Variants in NDST3 observed in about 807,000 individuals in gnomAD.
The protein encoded by NDST3 is bifunctional heparan sulfate N-deacetylase/N-sulfotransferase 3.
In NDST3, 58 loss-of-function variants were observed where a neutral mutation model predicts 96.1. That is an observed-to-expected ratio of 0.60 (90% confidence interval 0.49 to 0.75). NDST3 has a LOEUF of 0.75. NDST3 is among the 30% of genes least tolerant of loss of function. The probability of loss-of-function intolerance (pLI) is 0.00; values close to 1 mark genes in which losing one functional copy is unlikely to be tolerated. For synonymous variants in NDST3, 333 were observed against 359.7 expected, an observed-to-expected ratio of 0.93 and a Z score of 0.84; for missense variants, 788 against 1,034.2, an observed-to-expected ratio of 0.76 and a Z score of 3.27.
chr4:118,125,228 C>T (rs1294642189), intron 4 of NDST3, among the ~76,000 whole-genome samples: 1 of 152,006 alleles, frequency 6.6e-6, no homozygotes, highest in Non-Finnish European at 1.5e-5. Context: ...ATAACAAAGA[C>T]ATTTCTATCA....
intron 3 of NDST3, among the ~76,000 whole-genome samples, chr4:118,106,822 G>A (rs1357775809): frequency 6.6e-6 from 1 of 152,064 alleles, no homozygotes; most frequent in Non-Finnish European, 1.5e-5. Flanking sequence ...TGGGTGTGGT[G>A]GCTCATGCCT....
chr4:118,193,656 A>G, intron 6 of NDST3: 1 of 1,297,590 alleles, frequency 7.7e-7, no homozygotes, highest in Non-Finnish European at 1.1e-6. Context: ...ACCTTCTGGA[A>G]GTCAGCCTGT....
At chr4:118,079,471 G>T (rs934935198) in intron 2 of NDST3, among the ~76,000 whole-genome samples, 2 of 152,172 alleles carry the variant, frequency 1.3e-5, no homozygotes, top group African/African-American at 4.8e-5. Flanking sequence ...CTATGCAAAA[G>T]AAACAGGCCC....
At chr4:118,164,291 G>T (rs193166390) in intron 6 of NDST3, among the ~76,000 whole-genome samples, 2 of 152,162 alleles carry the variant, frequency 1.3e-5, no homozygotes, top group African/African-American at 4.8e-5. Context: ...ACTAAATGAT[G>T]AGAACACATG....
chr4:118,241,202 C>A (rs1000204421), intron 11 of NDST3, among the ~76,000 whole-genome samples: 4 of 152,138 alleles, frequency 2.6e-5, no homozygotes, highest in Non-Finnish European at 5.9e-5. Flanking sequence ...GAGTCTAGAG[C>A]CATGCTTTCC....
intron 6 of NDST3, among the ~76,000 whole-genome samples, chr4:118,156,065 T>C (rs1256307053): frequency 6.6e-6 from 1 of 152,186 alleles, no homozygotes; most frequent in Non-Finnish European, 1.5e-5. Flanking sequence ...GCATTCAGGA[T>C]AGACAGAAAA....
chr4:118,069,813 C>CAAT (rs1726901039), intron 2 of NDST3, among the ~76,000 whole-genome samples: 2 of 151,610 alleles, frequency 1.3e-5, no homozygotes, highest in Non-Finnish European at 2.9e-5. Flanking sequence ...TTGTTTTTGA[C>CAAT]CAGTTATTAT....
chr4:118,090,936 A>G (rs1226923385), intron 2 of NDST3, among the ~76,000 whole-genome samples: 1 of 151,890 alleles, frequency 6.6e-6, no homozygotes, highest in African/African-American at 2.4e-5. Flanking sequence ...AAATTAAACA[A>G]AAAACTTTTT....
In NDST3 at chr4:118,054,569, G is replaced by A. The variant is rs1560610219; in HGVS notation, c.659G>A (p.Trp220Ter). The change falls in exon 2 of 14, where the codon TGG (tryptophan) becomes TAG (stop). Residue 220 changes from tryptophan to a stop codon, truncating the protein, a stop_gained. Transcript: ENST00000296499. LOFTEE classifies it high-confidence loss of function. ...AAAGGTTCTTTACCTGGAACTGACT[G>A]GACAGTTTTTCAGATTAATCATTCA... ...LEKGSLPGTD[W>*]TVFQINHSAY... 6.2e-7 allele frequency: 1 copy of A among 1,613,230 alleles called. No homozygotes were observed. Among genetic ancestry groups the A allele is most frequent in the Non-Finnish European group, 8.5e-7 (1 of 1,179,464 alleles).
intron 5 of NDST3, among the ~76,000 whole-genome samples, 164 bp downstream of exon 5, chr4:118,138,403 C>A (rs895790874): frequency 6.6e-6 from 1 of 152,176 alleles, no homozygotes; most frequent in Admixed American, 6.5e-5. Flanking sequence ...TAATTAAAAT[C>A]ACTTCTTTTC....
At chr4:118,057,645 C>T (rs1168551411) in intron 2 of NDST3, among the ~76,000 whole-genome samples, 1 of 152,038 alleles carries the variant, frequency 6.6e-6, no homozygotes, top group East Asian at 1.9e-4. Flanking sequence ...CAGCAGGGCC[C>T]ACTGGGCTAA....
chr4:118,098,688 T>C (rs183627665), intron 2 of NDST3, among the ~76,000 whole-genome samples: 1 of 152,208 alleles, frequency 6.6e-6, no homozygotes, highest in East Asian at 1.9e-4. Flanking sequence ...CCTTTGTCCT[T>C]ACTCTGTTAT....
intron 2 of NDST3, among the ~76,000 whole-genome samples, chr4:118,088,231 C>A (rs1560633708): frequency 6.6e-6 from 1 of 151,808 alleles, no homozygotes; most frequent in South Asian, 2.1e-4. Flanking sequence ...TTAAAGGATA[C>A]CGTCTTAAAA....
rs569322013 is a variant in NDST3, at chr4:118,080,022, T to G, written c.982-24996T>G. ...ACTGCAGTAGTTGTGAGACATGCAC[T>G]GTGGACAAACACTAAGTTTGCATCC... On this transcript the variant is annotated intron_variant, in intron 2 of 13. Transcript: ENST00000296499. 7.9e-5 allele frequency among the ~76,000 whole-genome samples: 12 copies of G among 152,290 alleles called. No individual in the cohort carries two copies. The South Asian group carries it at 2.5e-3, about 32-fold the overall frequency.
At chr4:118,126,996 T>G (rs1269850654) in intron 4 of NDST3, among the ~76,000 whole-genome samples, 2 of 152,098 alleles carry the variant, frequency 1.3e-5, no homozygotes, top group Non-Finnish European at 2.9e-5. Flanking sequence ...TGTATTCTTT[T>G]GAGAAATGTC....
chr4:118,151,724 G>T (rs1433606121), intron 6 of NDST3, among the ~76,000 whole-genome samples: 1 of 152,048 alleles, frequency 6.6e-6, no homozygotes, highest in Non-Finnish European at 1.5e-5. Context: ...ATCTGCAATA[G>T]AACTTTAAAA....
At chr4:118,162,157 T>A (rs975119883) in intron 6 of NDST3, among the ~76,000 whole-genome samples, 2 of 152,112 alleles carry the variant, frequency 1.3e-5, no homozygotes, top group African/African-American at 4.8e-5. Context: ...ATCAATATCA[T>A]GAAAATGGCC....
At chr4:118,199,498 C>G (rs1737926688) in intron 6 of NDST3, among the ~76,000 whole-genome samples, 1 of 152,116 alleles carries the variant, frequency 6.6e-6, no homozygotes, top group African/African-American at 2.4e-5. Context: ...TTTCCTCAAA[C>G]AGCTATTTTG....
chr4:118,111,102 G>A, intron 3 of NDST3, among the ~76,000 whole-genome samples: 1 of 152,134 alleles, frequency 6.6e-6, no homozygotes. Flanking sequence ...ATTTATAAGT[G>A]AGAACTAAAC....
Sources: gnomAD v4.1 joint callset for allele counts (sites outside exome capture counted in the v4.1 genomes callset) on GRCh38, gnomAD v4.1.1 for gene constraint, MANE v1.5 for transcripts, NCBI Gene and HGNC (gene_info 2026-07-23, HGNC 2026-07-21) for gene names.